Variants in TCF12 observed in about 807,000 individuals in gnomAD.
TCF12 encodes DNA-binding protein HTF4.
TCF12 carries 45 observed loss-of-function variants against 86.0 expected under a neutral mutation model. The ratio of observed to expected loss-of-function variants is 0.52; its 90% confidence interval spans 0.41 to 0.67. The LOEUF (loss-of-function observed/expected upper bound fraction) is 0.67. TCF12 is among the 30% of genes least tolerant of loss of function. The pLI is 0.00. For missense variants in TCF12, 881 were observed against 859.9 expected (o/e 1.02, Z -0.31); for synonymous variants, 330 against 299.6 (o/e 1.10, Z -1.05).
intron 6 of TCF12, among the ~76,000 whole-genome samples, chr15:57,175,641 A>G (rs1403082071): frequency 6.6e-6 from 1 of 152,204 alleles, no homozygotes; most frequent in Non-Finnish European, 1.5e-5. Flanking sequence ...CTTGGGCAGA[A>G]TTATTAGAAA....
chr15:57,246,534 T>A (rs1446075486), intron 13 of TCF12, among the ~76,000 whole-genome samples: 1 of 81,048 alleles, frequency 1.2e-5, no homozygotes, highest in Non-Finnish European at 4.0e-5. Flanking sequence ...GGGTACTACA[T>A]GCAGACATAT....
At chr15:57,138,320 C>T (rs2052704298) in intron 5 of TCF12, among the ~76,000 whole-genome samples, 2 of 152,166 alleles carry the variant, frequency 1.3e-5, no homozygotes, top group Non-Finnish European at 2.9e-5. Flanking sequence ...GCCTGGGTTT[C>T]AGTGTTTAAA....
intron 3 of TCF12, among the ~76,000 whole-genome samples, chr15:56,981,569 C>T (rs1048411812): frequency 1.2e-4 from 18 of 152,144 alleles, no homozygotes; most frequent in Non-Finnish European, 2.4e-4. Flanking sequence ...GGGCCAAAAA[C>T]ACTCAAACCA....
chr15:57,141,468 G>A (rs2151406834), intron 5 of TCF12, among the ~76,000 whole-genome samples: 1 of 152,278 alleles, frequency 6.6e-6, no homozygotes, highest in East Asian at 1.9e-4. Flanking sequence ...TCCTGCCTCA[G>A]CCTCCCGAGT....
rs1567375490 is a variant in TCF12, at chr15:57,077,369, GTGTGTA to G, written c.222+13548_222+13553del. On this transcript the variant is annotated intron_variant, in intron 4 of 20. Transcript: ENST00000333725. Reference sequence around the variant, plus strand: ...TGTGTGTGTGTGTGTGTGTGTGTGTGTGTGTATATATATTTTTTTTTTTTTGGCAAG... The same window carrying G: ...TGTGTGTGTGTGTGTGTGTGTGTGTGTATATATTTTTTTTTTTTTGGCAAG... Among the ~76,000 whole-genome samples the G allele has an allele frequency of 9.2e-5, 9 of 97,646 alleles. 1 individual carries two copies. Among genetic ancestry groups the G allele is most frequent in the African/African-American group, 5.5e-4 (9 of 16,386 alleles). 64.1% of individuals were successfully genotyped at this position (97,646 alleles called of 152,430 possible). A position where few individuals can be genotyped will look rare whatever the true frequency, so the allele number is the denominator to read the frequency against.
intron 3 of TCF12, among the ~76,000 whole-genome samples, chr15:56,970,297 T>A (rs1366451914): frequency 6.6e-6 from 1 of 151,760 alleles, no homozygotes; most frequent in African/African-American, 2.4e-5. Context: ...CTGGCCAATA[T>A]AGTGAAATCC....
chr15:57,077,897 A>G (rs1009148816), intron 4 of TCF12, among the ~76,000 whole-genome samples: 4 of 152,142 alleles, frequency 2.6e-5, no homozygotes, highest in African/African-American at 4.8e-5. Context: ...TTAGTTACCT[A>G]TTGTTAACTA....
chr15:57,268,816 T>C (rs2060989922), intron 18 of TCF12, among the ~76,000 whole-genome samples: 1 of 119,766 alleles, frequency 8.3e-6, no homozygotes, highest in South Asian at 3.4e-4. Context: ...CTATTCAGAA[T>C]TAACCACTGT....
At chr15:57,053,421 G>C (rs1393662206) in intron 3 of TCF12, among the ~76,000 whole-genome samples, 1 of 152,116 alleles carries the variant, frequency 6.6e-6, no homozygotes, top group African/African-American at 2.4e-5. Context: ...TCTGTAGATT[G>C]CCTTTTCACT....
intron 3 of TCF12, among the ~76,000 whole-genome samples, chr15:57,040,113 G>T (rs1370003067): frequency 6.6e-6 from 1 of 151,952 alleles, no homozygotes; most frequent in African/African-American, 2.4e-5. Context: ...TCCTCTTCAG[G>T]ATTTTTATTT....
rs534493689 is a variant in TCF12 at position 57,219,970 on chromosome 15, C to G, written c.580-11182C>G. 2.6e-3 allele frequency among the ~76,000 whole-genome samples: 391 copies of G among 152,192 alleles called. 2 individuals are homozygous for G. The Middle Eastern group carries it at 0.034, about 13-fold the overall frequency. On this transcript the variant is annotated intron_variant, in intron 8 of 20. Coordinates refer to ENST00000333725, the MANE Select transcript of TCF12 (RefSeq NM_207037.2). ...CGAACTCCTGACCTCAGGTGATCCACCCGCCTCGGCCTCCCAAAATGCTGG... is the reference window on the plus strand; with the variant it reads ...CGAACTCCTGACCTCAGGTGATCCAGCCGCCTCGGCCTCCCAAAATGCTGG...
intron 16 of TCF12, among the ~76,000 whole-genome samples, chr15:57,253,894 C>T (rs1038400987): frequency 2.0e-5 from 3 of 151,972 alleles, no homozygotes; most frequent in African/African-American, 7.3e-5. Flanking sequence ...TCCCGAACTG[C>T]GGGGGAGGTA....
At chr15:57,282,196 T>G (rs1000872669) in intron 19 of TCF12, 2 of 505,412 alleles carry the variant, frequency 4.0e-6, no homozygotes, top group East Asian at 3.7e-5. Context: ...GCATTTTGAT[T>G]TAAATCAAAT....
At chr15:57,193,839 G>C (rs1401458884) in intron 7 of TCF12, among the ~76,000 whole-genome samples, 1 of 152,166 alleles carries the variant, frequency 6.6e-6, no homozygotes, top group African/African-American at 2.4e-5. Context: ...CCACTTCTCA[G>C]TATCATGGAT....
At chr15:57,262,044 C>G (rs1166868066) in intron 16 of TCF12, 50 bp from the exon 17 acceptor site, 1 of 1,285,960 alleles carries the variant, frequency 7.8e-7, no homozygotes, top group Non-Finnish European at 1.1e-6. Context: ...CAGTTATTGC[C>G]TCTGAACTAT....
intron 5 of TCF12, among the ~76,000 whole-genome samples, chr15:57,154,150 A>G (rs1186439703): frequency 6.6e-6 from 1 of 152,214 alleles, no homozygotes; most frequent in East Asian, 1.9e-4. Flanking sequence ...CAGAGATACC[A>G]AGAGATAGAG....
intron 6 of TCF12, among the ~76,000 whole-genome samples, chr15:57,172,672 T>C (rs1443237864): frequency 6.6e-6 from 1 of 151,962 alleles, no homozygotes; most frequent in African/African-American, 2.4e-5. Context: ...AAAATAGCTA[T>C]TGGGTGCTAG....
intron 8 of TCF12, among the ~76,000 whole-genome samples, chr15:57,202,406 C>T (rs907757241): frequency 3.3e-5 from 5 of 150,760 alleles, no homozygotes; most frequent in Non-Finnish European, 7.4e-5. Context: ...CCCAATTAAG[C>T]ATGTGATGGA....
intron 8 of TCF12, among the ~76,000 whole-genome samples, chr15:57,206,726 G>A (rs1471751953): frequency 1.3e-5 from 2 of 151,150 alleles, no homozygotes. Flanking sequence ...CCCAGGAGGT[G>A]GAGAGTTTAT....
Sources: gnomAD v4.1 joint callset for allele counts (sites outside exome capture counted in the v4.1 genomes callset) on GRCh38, gnomAD v4.1.1 for gene constraint, MANE v1.5 for transcripts, NCBI Gene and HGNC (gene_info 2026-07-23, HGNC 2026-07-21) for gene names.